The following DNAH1 variants were observed in gnomAD, a reference collection of about 807,000 sequenced individuals.
DNAH1 encodes axonemal beta dynein heavy chain 1.
Under a neutral mutation model 484.3 loss-of-function variants are expected in DNAH1, and 327 were observed. The ratio of observed to expected loss-of-function variants is 0.68; its 90% CI spans 0.62 to 0.74. DNAH1 has a LOEUF of 0.74. DNAH1 is among the 30% of genes least tolerant of loss of function. The probability of loss-of-function intolerance (pLI) is 0.00; values close to 1 mark genes in which losing one functional copy is unlikely to be tolerated. For missense variants in DNAH1, 5,052 were observed against 5,546.8 expected (o/e 0.91, Z 2.83); for synonymous variants, 2,192 against 2,191.9 (o/e 1.00, Z 0.00).
Position 52,372,091 on chromosome 3 carries a change from G to A in DNAH1, c.6666+5G>A. 2 of 1,613,228 alleles carry A rather than the reference G, an allele frequency of 1.2e-6. No individual in the cohort carries two copies. Among genetic ancestry groups the A allele is most frequent in the South Asian group, 1.1e-5 (1 of 91,052 alleles). On this transcript the variant is annotated splice_donor_5th_base_variant and intron_variant, in intron 42 of 77. Transcript: ENST00000420323. Reference sequence around the variant, plus strand: ...CTGCTCACCAACAAGAAGCCCGTGAGCACCCCCCCAGGCCCTGCCTCCACT... The same window carrying A: ...CTGCTCACCAACAAGAAGCCCGTGAACACCCCCCCAGGCCCTGCCTCCACT...
intron 1 of DNAH1, among the ~76,000 whole-genome samples, chr3:52,321,115 CTTTTTTCT>C (rs1559483937): frequency 3.0e-5 from 4 of 133,998 alleles, no homozygotes; most frequent in African/African-American, 1.4e-4. Flanking sequence ...TTTCTTTTTT[CTTTTTTCT>C]TTTTTTTTTT....
chr3:52,316,734 G>C (rs1167158505), intron 1 of DNAH1, among the ~76,000 whole-genome samples, 189 bp downstream of exon 1: 1 of 152,182 alleles, frequency 6.6e-6, no homozygotes, highest in African/African-American at 2.4e-5. Flanking sequence ...GTCCAGTTCA[G>C]TTCCAGACAC....
At chr3:52,396,149 G>A (rs1704613740) in intron 70 of DNAH1, among the ~76,000 whole-genome samples, 1 of 152,088 alleles carries the variant, frequency 6.6e-6, no homozygotes, top group African/African-American at 2.4e-5. Flanking sequence ...TGGCCAGGCT[G>A]TTCTCAAACT....
chr3:52,363,577 G>A (rs889683025), intron 32 of DNAH1, among the ~76,000 whole-genome samples: 9 of 152,198 alleles, frequency 5.9e-5, no homozygotes, highest in Non-Finnish European at 1.2e-4. Context: ...CAGATTCCAA[G>A]GACAGATGGG....
At chr3:52,331,462 C>T (rs968632096) in intron 7 of DNAH1, among the ~76,000 whole-genome samples, 153 bp downstream of exon 7, 4 of 152,124 alleles carry the variant, frequency 2.6e-5, no homozygotes, top group Non-Finnish European at 1.5e-5. Flanking sequence ...CCAGAGGACT[C>T]ATCACTCAGA....
chr3:52,375,039 T>C (rs1255788264), intron 44 of DNAH1, among the ~76,000 whole-genome samples: 3 of 125,440 alleles, frequency 2.4e-5, no homozygotes, highest in African/African-American at 8.0e-5. Context: ...CTTTTGAACT[T>C]TGTAAAAAAA....
At chr3:52,385,579 C>A in intron 54 of DNAH1, 132 bp downstream of exon 54, 1 of 693,638 alleles carries the variant, frequency 1.4e-6, no homozygotes, top group South Asian at 1.7e-5. Context: ...CTTCCTCAAT[C>A]AGTAGCCATC....
intron 23 of DNAH1, 21 bp downstream of exon 23, chr3:52,357,756 C>T: frequency 1.9e-6 from 3 of 1,571,930 alleles, no homozygotes; most frequent in Admixed American, 1.9e-5. Flanking sequence ...CCTGGCCATG[C>T]CCACTCCGCC....
intron 8 of DNAH1, among the ~76,000 whole-genome samples, chr3:52,336,105 A>G (rs1353722114): frequency 1.3e-5 from 2 of 152,048 alleles, no homozygotes; most frequent in Non-Finnish European, 2.9e-5. Context: ...GCTGTGCAAA[A>G]GCTCTTGAAT....
Position 52,372,286 on chromosome 3 carries a change from C to T in DNAH1, c.6726C>T (p.Leu2242=), listed in dbSNP as rs759263312. 2.5e-6 allele frequency: 4 copies of T among 1,614,006 alleles called. No individual in the cohort carries two copies. Among genetic ancestry groups the T allele is most frequent in the South Asian group, 2.2e-5 (2 of 91,088 alleles). Reference sequence around the variant, plus strand: ...CGCTCACCATCTCTGACAAGCTCCTCAAGAACCTGGCACTGGATTACATCA... The same window carrying T: ...CGCTCACCATCTCTGACAAGCTCCTTAAGAACCTGGCACTGGATTACATCA... ...GKTLTISDKL[L]KNLALDYISH... The change falls in exon 43 of 78, where the codon CTC becomes CTT. Residue 2242 remains leucine (L), a synonymous_variant. Coordinates refer to ENST00000420323, the MANE Select transcript of DNAH1 (RefSeq NM_015512.5).
At chr3:52,320,459 C>A (rs1701104215) in intron 1 of DNAH1, among the ~76,000 whole-genome samples, 1 of 152,230 alleles carries the variant, frequency 6.6e-6, no homozygotes, top group South Asian at 2.1e-4. Flanking sequence ...CCTTCTTTGG[C>A]CCTCAGGCGC....
Position 52,385,087 on chromosome 3 carries a change from C to T in DNAH1, c.8514+110C>T, listed in dbSNP as rs561472161. 5.1e-5 allele frequency: 68 copies of T among 1,342,424 alleles called. No homozygotes were observed. In the African/African-American group the frequency reaches 7.3e-4, roughly 14 times the overall value. 83.2% of individuals were successfully genotyped at this position (1,342,424 alleles called of 1,614,324 possible). A position where few individuals can be genotyped will look rare whatever the true frequency, so the allele number is the denominator to read the frequency against. ...GCTCCGCCTTTCAAACTGCAGCCCA[C>T]GACGTTGAAGTGGGTGGCTTCCCCC... On this transcript the variant is annotated intron_variant, in intron 53 of 77. Transcript: ENST00000420323.
At chr3:52,385,084 C>A in intron 53 of DNAH1, 107 bp downstream of exon 53, 1 of 1,352,694 alleles carries the variant, frequency 7.4e-7, no homozygotes, top group Non-Finnish European at 9.9e-7. Flanking sequence ...AAACTGCAGC[C>A]CACGACGTTG....
At chr3:52,392,369 G>A in intron 63 of DNAH1, 95 bp from the exon 64 acceptor site, 1 of 1,151,418 alleles carries the variant, frequency 8.7e-7, no homozygotes, top group Non-Finnish European at 1.3e-6. Context: ...GGCTCTTGGA[G>A]CCCCAGAAGC....
intron 77 of DNAH1, among the ~76,000 whole-genome samples, 159 bp from the exon 78 acceptor site, chr3:52,400,166 C>A (rs1704845789): frequency 6.6e-6 from 1 of 152,204 alleles, no homozygotes; most frequent in South Asian, 2.1e-4. Context: ...CCTGGGCAGG[C>A]TTGAACCCTG....
Position 52,358,858 on chromosome 3 carries a change from G to T in DNAH1, c.4266+121G>T. On this transcript the variant is annotated intron_variant, in intron 25 of 77. Transcript: ENST00000420323. The surrounding 1 kb of genome is among the most constrained non-coding windows in gnomAD (Gnocchi z 4.2). ...CAGCCCTGAGGTCCCTGGGGGCTCA[G>T]GCGGGATTCTGGAGTCTTTCCTTTC... is the stretch of plus-strand genomic sequence containing the variant. 1 of 1,212,894 alleles carries T rather than the reference G, an allele frequency of 8.2e-7. No individual in the cohort carries two copies. Among genetic ancestry groups the T allele is most frequent in the Non-Finnish European group, 1.2e-6 (1 of 867,334 alleles). The allele number at this position is 1,212,894 out of a possible 1,614,324, so 75.1% of individuals were successfully genotyped here.
Position 52,383,904 on chromosome 3 carries a change from C to T in DNAH1, c.8195C>T (p.Ser2732Phe). The T allele has an allele frequency of 6.2e-7, 1 of 1,610,910 alleles. No individual in the cohort carries two copies. The highest frequency in any genetic ancestry group is 1.1e-5 in the South Asian group (1 of 90,812). ...VFRARLRQFP[S>F]LVNCCTIDWF... is the part of the protein sequence containing the mutation. ...CGAGCTCGTCTGAGGCAGTTTCCCT[C>T]CCTGGTCAACTGCTGTACCATCGAC... The change falls in exon 52 of 78, where the codon TCC (serine) becomes TTC (phenylalanine). Residue 2732 changes from serine to phenylalanine, a missense_variant. By Grantham distance (155) the Ser-to-Phe change is radical. Coordinates refer to ENST00000420323, the MANE Select transcript of DNAH1 (RefSeq NM_015512.5).
intron 37 of DNAH1, 50 bp from the exon 38 acceptor site, chr3:52,369,775 G>T: frequency 6.4e-7 from 1 of 1,563,190 alleles, no homozygotes; most frequent in Non-Finnish European, 8.7e-7. Flanking sequence ...CCTTTCTCCA[G>T]GCCTGAGGAC....
intron 1 of DNAH1, among the ~76,000 whole-genome samples, chr3:52,320,800 C>CT (rs556409465): frequency 0.085 from 10,581 of 125,012 alleles, 626 homozygotes; most frequent in Middle Eastern, 0.12. Flanking sequence ...TCTTTCTTTC[C>CT]TTTTTTTTTT....
Sources: allele counts gnomAD v4.1 joint callset (sites outside exome capture counted in the v4.1 genomes callset), GRCh38; gene constraint gnomAD v4.1.1; non-coding constraint Gnocchi (gnomAD v3.1); transcripts MANE v1.5; gene names NCBI Gene and HGNC (gene_info 2026-07-23, HGNC 2026-07-21).